WRAP73: variants seen among roughly 807,000 people sequenced by gnomAD.
WRAP73 encodes WD repeat-containing protein WRAP73.
Under a neutral mutation model 59.6 loss-of-function variants are expected in WRAP73, and 55 were observed. That is an observed-to-expected ratio of 0.92 (90% CI 0.74 to 1.15). The LOEUF is 1.15. Among genes scored for constraint, WRAP73 ranks in the 50% most tolerant of loss-of-function variants. The pLI is 0.00. For missense variants in WRAP73, 592 were observed against 608.1 expected (o/e 0.97, Z 0.28); for synonymous variants, 265 against 258.2 (o/e 1.03, Z -0.25).
intron 6 of WRAP73, 119 bp from the exon 7 acceptor site, chr1:3,635,413 G>A (rs1570296540): frequency 2.0e-5 from 28 of 1,384,218 alleles, no homozygotes; most frequent in Non-Finnish European, 2.5e-5. Flanking sequence ...AGGACTGTCC[G>A]CGTGGCCGTG....
At chr1:3,640,953 G>C (rs1222348231) in intron 3 of WRAP73, among the ~76,000 whole-genome samples, 2 of 152,254 alleles carry the variant, frequency 1.3e-5, no homozygotes, top group African/African-American at 4.8e-5. Context: ...AGGAAACACA[G>C]GGAGCACTTT....
At chr1:3,631,964 T>G in intron 10 of WRAP73, 1 of 1,405,406 alleles carries the variant, frequency 7.1e-7, no homozygotes, top group Non-Finnish European at 9.2e-7. Flanking sequence ...AGCCCTGCTT[T>G]CTACTCAGCA....
intron 3 of WRAP73, among the ~76,000 whole-genome samples, chr1:3,645,813 C>A (rs1449723852): frequency 3.3e-5 from 5 of 152,148 alleles, no homozygotes; most frequent in Non-Finnish European, 7.4e-5. Flanking sequence ...CCGCGCTGAG[C>A]TCAGCACGGA....
At position 3,639,111 on chromosome 1, in the gene WRAP73, T is replaced by C. The variant is rs531288648; in HGVS notation, c.340-289A>G. The C allele has an allele frequency of 1.1e-3, 450 of 397,278 alleles. 6 individuals carry two copies. The highest frequency in any genetic ancestry group is 8.1e-3 in the African/African-American group (391 of 48,058). The allele number at this position is 397,278 out of a possible 1,614,324, so 24.6% of individuals were successfully genotyped here. A position where few individuals can be genotyped will look rare whatever the true frequency, so the allele number is the denominator to read the frequency against. The stretch of plus-strand genomic sequence containing the variant: ...TTCATTAGCTTTTTCAAAGTGACCA[T>C]AGGTTGCATGTTATAATAACCCTGA... On this transcript the variant is annotated intron_variant, in intron 3 of 11. Transcript: ENST00000270708. The surrounding 1 kb of genome is among the most constrained non-coding windows in gnomAD (Gnocchi z 4.3).
At chr1:3,632,091 A>C in intron 10 of WRAP73, 122 bp downstream of exon 10, 2 of 1,502,732 alleles carry the variant, frequency 1.3e-6, no homozygotes, top group Non-Finnish European at 1.8e-6. Context: ...GCTACTGCAG[A>C]AACGTGAAAG....
Position 3,638,831 on chromosome 1 carries a change from G to C in WRAP73, c.340-9C>G. The C allele has an allele frequency of 6.2e-7, 1 of 1,613,790 alleles. No individual in the cohort carries two copies. The highest frequency in any genetic ancestry group is 8.5e-7 in the Non-Finnish European group (1 of 1,179,766). On this transcript the variant is annotated splice_polypyrimidine_tract_variant and intron_variant, in intron 3 of 11. Transcript: ENST00000270708. ...CAGACGGTTATCCGCAGCTGTTGGG[G>C]GAAAGGGGAAAGAGAAAGGAAACAC...
intron 3 of WRAP73, among the ~76,000 whole-genome samples, chr1:3,642,631 G>A (rs1644656856): frequency 6.6e-6 from 1 of 151,942 alleles, no homozygotes; most frequent in Non-Finnish European, 1.5e-5. Flanking sequence ...CAGCTACTCG[G>A]GAGGCTGAGG....
At chr1:3,637,472 C>G (rs542650637) in intron 4 of WRAP73, among the ~76,000 whole-genome samples, 1 of 152,336 alleles carries the variant, frequency 6.6e-6, no homozygotes, top group East Asian at 1.9e-4. Context: ...CTATCTCCAG[C>G]TAGGCAAAAG....
Position 3,646,620 on chromosome 1 carries a change from G to C in WRAP73, c.339+46C>G, listed in dbSNP as rs759614439. On this transcript the variant is annotated intron_variant, in intron 3 of 11. Transcript: ENST00000270708. This position sits in a 1 kb window ranked among gnomAD's most constrained non-coding sequence, Gnocchi z 5.1. The stretch of plus-strand genomic sequence containing the variant: ...ACTCCCCAGCTGTTTCGAGAGCAGA[G>C]GACAGGATCACATGGCCAGTAAGGT... 2.0e-6 allele frequency: 3 copies of C among 1,523,210 alleles called. No individual in the cohort carries two copies. In the Admixed American group the frequency reaches 5.6e-5, roughly 28 times the overall value. 94.4% of individuals were successfully genotyped at this position (1,523,210 alleles called of 1,614,324 possible). A position where few individuals can be genotyped will look rare whatever the true frequency, so the allele number is the denominator to read the frequency against.
intron 11 of WRAP73, 160 bp downstream of exon 11, chr1:3,631,306 G>T: frequency 1.5e-6 from 2 of 1,291,924 alleles, no homozygotes; most frequent in Non-Finnish European, 2.1e-6. Context: ...AGGGCAGCGG[G>T]TCCCCTGTGT....
At chr1:3,633,290 G>GA in intron 9 of WRAP73, 108 bp downstream of exon 9, 4 of 1,173,960 alleles carry the variant, frequency 3.4e-6, no homozygotes, top group Middle Eastern at 2.0e-4. Context: ...GCATGGAAGG[G>GA]AAAAAAAGTT....
At chr1:3,649,680 C>T (rs567702302) in intron 1 of WRAP73, among the ~76,000 whole-genome samples, 1 of 151,050 alleles carries the variant, frequency 6.6e-6, no homozygotes, top group East Asian at 2.0e-4. Flanking sequence ...GCCTGGGCCC[C>T]GCACCTGCTT....
intron 11 of WRAP73, 90 bp from the exon 12 acceptor site, chr1:3,631,207 T>C: frequency 6.4e-7 from 1 of 1,567,332 alleles, no homozygotes. Flanking sequence ...GCCAGCACAG[T>C]GCCTGGAGTG....
chr1:3,631,154 G>A (rs2101950061), intron 11 of WRAP73, 37 bp from the exon 12 acceptor site: 1 of 1,611,630 alleles, frequency 6.2e-7, no homozygotes, highest in Non-Finnish European at 8.5e-7. Flanking sequence ...TTACAGCAGG[G>A]GAGGCCCAGA....
intron 4 of WRAP73, 136 bp downstream of exon 4, chr1:3,638,614 C>T: frequency 1.2e-6 from 1 of 855,120 alleles, no homozygotes; most frequent in Non-Finnish European, 1.9e-6. Flanking sequence ...CCTAAGGTCT[C>T]CTTTAAAAGA....
At chr1:3,631,804 T>C (rs892599234) in intron 10 of WRAP73, 147 bp from the exon 11 acceptor site, 7 of 1,434,324 alleles carry the variant, frequency 4.9e-6, no homozygotes, top group East Asian at 2.5e-5. Context: ...CTGGGTTCAG[T>C]TGGGCCCTGT....
chr1:3,647,159 C>G (rs1644699897), intron 2 of WRAP73: 6 of 481,904 alleles, frequency 1.2e-5, no homozygotes, highest in Non-Finnish European at 2.2e-5. Flanking sequence ...CTGAAACACA[C>G]CACATCCGCG....
chr1:3,640,342 A>C (rs2821032), intron 3 of WRAP73, among the ~76,000 whole-genome samples: 1 of 152,230 alleles, frequency 6.6e-6, no homozygotes, highest in Non-Finnish European at 1.5e-5. Flanking sequence ...AACCTTGCCC[A>C]AGCCTCTCAG....
chr1:3,634,589 G>A (rs564168250), intron 8 of WRAP73: 18 of 226,510 alleles, frequency 7.9e-5, no homozygotes, highest in African/African-American at 3.1e-4. Context: ...CTCTCCAGCC[G>A]CACTCTGCAA....
Sources: gnomAD v4.1 joint callset for allele counts (sites outside exome capture counted in the v4.1 genomes callset) on GRCh38, gnomAD v4.1.1 for gene constraint, Gnocchi (gnomAD v3.1) non-coding constraint, MANE v1.5 for transcripts, NCBI Gene and HGNC (gene_info 2026-07-23, HGNC 2026-07-21) for gene names.